Variants in SYNPO2 observed in about 807,000 individuals in gnomAD.
SYNPO2 encodes the protein synaptopodin 2, also known as synaptopodin-2.
Under a neutral mutation model 85.0 loss-of-function variants are expected in SYNPO2, and 56 were observed. The observed-to-expected ratio is 0.66, with a 90% confidence interval of 0.53 to 0.82. The LOEUF is 0.82. Among genes scored for constraint, SYNPO2 ranks in the 40% least tolerant of loss-of-function variants. The pLI is 0.00. For missense variants in SYNPO2, 1,575 were observed against 1,534.2 expected (o/e 1.03, Z -0.44); for synonymous variants, 602 against 591.1 (o/e 1.02, Z -0.27).
At chr4:119,005,705 A>G (rs547758673) in intron 1 of SYNPO2, among the ~76,000 whole-genome samples, 1 of 152,170 alleles carries the variant, frequency 6.6e-6, no homozygotes, top group Non-Finnish European at 1.5e-5. Flanking sequence ...TGACTTGGTG[A>G]TGTGGGCTCT....
In SYNPO2 at chr4:119,027,359, A is replaced by G. The variant is rs1299464903; in HGVS notation, c.990A>G (p.Ser330=). The G allele has an allele frequency of 1.2e-6, 2 of 1,613,916 alleles. No homozygotes were observed. Among genetic ancestry groups the G allele is most frequent in the Non-Finnish European group, 1.7e-6 (2 of 1,180,030 alleles). ...PPSLVSFAVS[S]EGTEQGEDPR... ...CTCTGGTATCCTTTGCCGTCTCATC[A>G]GAAGGCACAGAGCAGGGAGAAGATC... The change falls in exon 3 of 5, where the codon TCA becomes TCG. Residue 330 remains serine, a synonymous_variant. Coordinates refer to ENST00000307142, the MANE Select transcript of SYNPO2 (RefSeq NM_133477.3).
Position 119,033,188 on chromosome 4 carries a change from G to T in SYNPO2, c.3252+1161G>T, listed in dbSNP as rs1359252797. On this transcript the variant is annotated intron_variant, in intron 4 of 4. Coordinates refer to ENST00000307142, the MANE Select transcript of SYNPO2 (RefSeq NM_133477.3). ...GCACGAGGAACCCCATGTGTGTGGAGACTGTAGGGTGAGAGCACACAATTA... is the reference window on the plus strand; with the variant it reads ...GCACGAGGAACCCCATGTGTGTGGATACTGTAGGGTGAGAGCACACAATTA... 8.1e-6 allele frequency: 8 copies of T among 985,294 alleles called. No individual in the cohort carries two copies. The Admixed American group carries it at 3.7e-4, about 45-fold the overall frequency. The allele number at this position is 985,294 out of a possible 1,614,324, so 61.0% of individuals were successfully genotyped here. A position where few individuals can be genotyped will look rare whatever the true frequency, so the allele number is the denominator to read the frequency against.
chr4:118,946,313 T>C (rs557383533), intron 1 of SYNPO2, among the ~76,000 whole-genome samples: 18 of 152,154 alleles, frequency 1.2e-4, no homozygotes, highest in Non-Finnish European at 2.4e-4. Flanking sequence ...TTTAAAGGTT[T>C]AGGAAGAAAA....
At chr4:118,933,376 T>C (rs983569164) in intron 1 of SYNPO2, among the ~76,000 whole-genome samples, 3 of 152,222 alleles carry the variant, frequency 2.0e-5, no homozygotes, top group African/African-American at 4.8e-5. Flanking sequence ...TGTGGGGTCT[T>C]AGTCTGCCTC....
chr4:118,870,876 T>C (rs1197838541), intron 1 of SYNPO2, among the ~76,000 whole-genome samples: 1 of 152,174 alleles, frequency 6.6e-6, no homozygotes, highest in Non-Finnish European at 1.5e-5. Context: ...ATCCTGCATA[T>C]GTATCCCAAA....
intron 4 of SYNPO2, among the ~76,000 whole-genome samples, chr4:119,051,186 A>AGGTTTT (rs568341923): frequency 9.9e-6 from 1 of 100,720 alleles, no homozygotes; most frequent in Non-Finnish European, 1.9e-5. Flanking sequence ...ATGGGAAGCA[A>AGGTTTT]TTTTTTTTTT....
chr4:118,885,355 G>C (rs1296406811), upstream of SYNPO2, among the ~76,000 whole-genome samples: 1 of 152,146 alleles, frequency 6.6e-6, no homozygotes, highest in African/African-American at 2.4e-5. Context: ...GCCTGGAATA[G>C]AGACAACAGT....
intron 1 of SYNPO2, among the ~76,000 whole-genome samples, chr4:118,865,516 TG>T (rs570792283): frequency 7.9e-5 from 12 of 152,186 alleles, no homozygotes; most frequent in Non-Finnish European, 7.3e-5. Flanking sequence ...AGAATCAGGT[TG>T]GTAAGTGTCA....
intron 1 of SYNPO2, among the ~76,000 whole-genome samples, chr4:118,868,149 A>G (rs1210995054): frequency 1.2e-4 from 4 of 34,198 alleles, no homozygotes; most frequent in Admixed American, 1.1e-3. Flanking sequence ...AATTTTACAT[A>G]TTAAAAAAAA....
chr4:118,879,336 C>T (rs1472738089), intron 1 of SYNPO2, among the ~76,000 whole-genome samples: 1 of 152,192 alleles, frequency 6.6e-6, no homozygotes, highest in African/African-American at 2.4e-5. Flanking sequence ...CTCTGGGGAA[C>T]TGAACGTTTT....
chr4:119,030,735 C>G lies in SYNPO2; in HGVS notation c.1960C>G (p.Pro654Ala), dbSNP rs369561138. Residue 654 changes from proline to alanine, a missense_variant, in exon 4 of 5, where the codon CCG becomes GCG. Physicochemically the swap from Pro to Ala is conservative, Grantham distance 27. This residue lies in a region of SYNPO2 where 1,508 missense variants were observed against 1,446.8 expected (regional missense o/e 1.04). Transcript: ENST00000307142. Reference protein sequence around the residue: ...AQPPPWPQPAPWSQPAFYDSS... With the variant: ...AQPPPWPQPAAWSQPAFYDSS... ...GCCCCCTCCATGGCCCCAGCCTGCC[C>G]CGTGGTCCCAGCCAGCCTTTTACGA... The G allele has an allele frequency of 1.2e-5, 19 of 1,614,164 alleles. No individual in the cohort carries two copies. Among genetic ancestry groups the G allele is most frequent in the Non-Finnish European group, 1.5e-5 (18 of 1,180,036 alleles).
intron 1 of SYNPO2, among the ~76,000 whole-genome samples, chr4:118,874,504 C>T (rs952843830): frequency 2.0e-5 from 3 of 152,134 alleles, no homozygotes; most frequent in Non-Finnish European, 4.4e-5. Flanking sequence ...CCAGTGGACA[C>T]CATGTGATAC....
chr4:119,023,723 CACT>C, intron 2 of SYNPO2, 142 bp downstream of exon 2: 1 of 963,472 alleles, frequency 1.0e-6, no homozygotes, highest in Non-Finnish European at 1.4e-6. Flanking sequence ...ACAGAAACAC[CACT>C]GTGTTTGAAA....
chr4:118,956,429 G>C (rs1238495155), intron 1 of SYNPO2, among the ~76,000 whole-genome samples: 1 of 152,088 alleles, frequency 6.6e-6, no homozygotes, highest in Non-Finnish European at 1.5e-5. Context: ...CATAGAAAAA[G>C]ACAATTGAAT....
At chr4:118,910,410 C>T (rs746889591) in intron 1 of SYNPO2, among the ~76,000 whole-genome samples, 1 of 152,354 alleles carries the variant, frequency 6.6e-6, no homozygotes, top group South Asian at 2.1e-4. Flanking sequence ...GTGCGTTGCA[C>T]CGGGAATTTC....
At chr4:118,953,455 A>T (rs1237878621) in intron 1 of SYNPO2, among the ~76,000 whole-genome samples, 1 of 152,138 alleles carries the variant, frequency 6.6e-6, no homozygotes, top group Non-Finnish European at 1.5e-5. Context: ...GGGATAGGAC[A>T]GGTGCTCATT....
At chr4:118,859,536 A>G (rs1394430596) in intron 1 of SYNPO2, among the ~76,000 whole-genome samples, 1 of 152,100 alleles carries the variant, frequency 6.6e-6, no homozygotes, top group Admixed American at 6.5e-5. Flanking sequence ...ACTTTTTTGT[A>G]CCCATTAACC....
At chr4:119,018,768 T>C (rs1000115306) in intron 1 of SYNPO2, among the ~76,000 whole-genome samples, 3 of 152,268 alleles carry the variant, frequency 2.0e-5, no homozygotes, top group African/African-American at 7.2e-5. Flanking sequence ...TAGTTAACAA[T>C]AATTTATTGT....
At chr4:118,956,256 A>G (rs1734871873) in intron 1 of SYNPO2, among the ~76,000 whole-genome samples, 1 of 152,190 alleles carries the variant, frequency 6.6e-6, no homozygotes, top group African/African-American at 2.4e-5. Context: ...TGAAGAGTAG[A>G]AAGAAAAGTC....
Sources: allele counts gnomAD v4.1 joint callset (sites outside exome capture counted in the v4.1 genomes callset), GRCh38; gene constraint gnomAD v4.1.1; regional missense constraint gnomAD v4.1.1; transcripts MANE v1.5; gene names NCBI Gene and HGNC (gene_info 2026-07-23, HGNC 2026-07-21).